The following ADK variants were observed in gnomAD, a reference collection of about 807,000 sequenced individuals.
The protein encoded by ADK is adenosine kinase.
ADK carries 24 observed loss-of-function variants against 44.7 expected under a neutral mutation model. The observed-to-expected ratio is 0.54, with a 90% confidence interval of 0.39 to 0.76. The LOEUF is 0.76. Ranked by LOEUF, ADK falls within the 30% of genes least tolerant of loss-of-function variation. ADK has a pLI of 0.00. For missense variants in ADK, 321 were observed against 425.1 expected (o/e 0.76, Z 2.15); for synonymous variants, 128 against 142.6 (o/e 0.90, Z 0.73).
intron 3 of ADK, among the ~76,000 whole-genome samples, chr10:74,236,991 G>A (rs1027889426): frequency 6.6e-5 from 10 of 152,112 alleles, no homozygotes; most frequent in South Asian, 2.1e-4. Flanking sequence ...AGTGTTGATG[G>A]CTACTGACTG....
rs1850603135 is a variant in ADK, at chr10:74,565,024, T to A, written c.727-24258T>A. Among the ~76,000 whole-genome samples, 4 of 152,224 alleles carry A rather than the reference T, an allele frequency of 2.6e-5. No homozygotes were observed. The South Asian group carries it at 8.3e-4, about 31-fold the overall frequency. On this transcript the variant is annotated intron_variant, in intron 7 of 10. Transcript: ENST00000539909. Reference sequence around the variant, plus strand: ...GATATTTTCTCCTGGCATCTCCAGATAGACTTTTTACTCTTTTCTTTCCCT... The same window carrying A: ...GATATTTTCTCCTGGCATCTCCAGAAAGACTTTTTACTCTTTTCTTTCCCT...
chr10:74,198,614 T>C (rs1175316101), intron 1 of ADK, among the ~76,000 whole-genome samples: 3 of 152,178 alleles, frequency 2.0e-5, no homozygotes, highest in Non-Finnish European at 4.4e-5. Flanking sequence ...AATAAAAAAT[T>C]ACACAGAAAC....
chr10:74,651,522 C>G (rs1256174158), intron 9 of ADK, among the ~76,000 whole-genome samples: 2 of 152,170 alleles, frequency 1.3e-5, no homozygotes, highest in Non-Finnish European at 1.5e-5. Context: ...CTTCCCTGTC[C>G]TTTCCTGCCT....
At chr10:74,327,325 T>C (rs1841056907) in intron 4 of ADK, among the ~76,000 whole-genome samples, 1 of 152,252 alleles carries the variant, frequency 6.6e-6, no homozygotes, top group Non-Finnish European at 1.5e-5. Flanking sequence ...CCTCTTATTA[T>C]TGACTTCTAG....
chr10:74,232,306 C>T (rs896903528), intron 3 of ADK, among the ~76,000 whole-genome samples: 7 of 152,022 alleles, frequency 4.6e-5, no homozygotes, highest in African/African-American at 1.7e-4. Context: ...ATCAGTTGAG[C>T]TCAGGAGTTT....
intron 6 of ADK, among the ~76,000 whole-genome samples, chr10:74,429,491 C>A (rs534658322): frequency 7.9e-5 from 12 of 152,178 alleles, no homozygotes; most frequent in Admixed American, 2.0e-4. Flanking sequence ...ATTCTTTAGT[C>A]AAGTGGTCTT....
intron 3 of ADK, among the ~76,000 whole-genome samples, chr10:74,249,506 C>T (rs1845567359): frequency 6.6e-6 from 1 of 151,818 alleles, no homozygotes; most frequent in Non-Finnish European, 1.5e-5. Context: ...TACACACACA[C>T]ACACACACAC....
At chr10:74,155,204 C>G (rs1841712980) in intron 1 of ADK, among the ~76,000 whole-genome samples, 1 of 152,166 alleles carries the variant, frequency 6.6e-6, no homozygotes, top group Non-Finnish European at 1.5e-5. Flanking sequence ...AACCTAGGAG[C>G]TGGGCATGGT....
chr10:74,457,947 C>T (rs1310775899), intron 6 of ADK, among the ~76,000 whole-genome samples: 3 of 151,944 alleles, frequency 2.0e-5, no homozygotes, highest in Non-Finnish European at 2.9e-5. Context: ...AGCAAACCAC[C>T]ATGGCATGTG....
intron 3 of ADK, among the ~76,000 whole-genome samples, chr10:74,258,951 T>G (rs574940454): frequency 5.9e-4 from 9 of 15,292 alleles, no homozygotes; most frequent in South Asian, 5.5e-3. Flanking sequence ...TTTTGTGTTT[T>G]TTTTTTTTTT....
At chr10:74,605,710 T>G (rs1460459181) in intron 9 of ADK, among the ~76,000 whole-genome samples, 5 of 152,176 alleles carry the variant, frequency 3.3e-5, no homozygotes, top group African/African-American at 1.2e-4. Context: ...ATTTTCTTTT[T>G]TTGTTGTCTC....
chr10:74,358,739 C>T (rs1842224516), intron 4 of ADK, among the ~76,000 whole-genome samples: 2 of 152,218 alleles, frequency 1.3e-5, no homozygotes, highest in Non-Finnish European at 2.9e-5. Context: ...ATCTCTCCAG[C>T]TCCATTCATA....
intron 2 of ADK, among the ~76,000 whole-genome samples, chr10:74,204,182 C>T (rs561350862): frequency 6.6e-6 from 1 of 152,046 alleles, no homozygotes; most frequent in African/African-American, 2.4e-5. Flanking sequence ...GTCTCAAACT[C>T]CTGACCTTGT....
intron 3 of ADK, among the ~76,000 whole-genome samples, chr10:74,288,637 C>T (rs1301686128): frequency 6.6e-6 from 1 of 151,988 alleles, no homozygotes; most frequent in Non-Finnish European, 1.5e-5. Flanking sequence ...GTGACAAGAG[C>T]GAGACTCCAT....
intron 3 of ADK, among the ~76,000 whole-genome samples, chr10:74,266,855 A>G (rs966009984): frequency 2.6e-5 from 4 of 152,230 alleles, no homozygotes; most frequent in Non-Finnish European, 5.9e-5. Context: ...ATATAATCAG[A>G]AGGAACTTGG....
intron 1 of ADK, among the ~76,000 whole-genome samples, chr10:74,197,713 A>AG (rs1223331393): frequency 1.3e-5 from 2 of 150,602 alleles, no homozygotes; most frequent in South Asian, 2.1e-4. Context: ...AAAAAAAAGA[A>AG]AAAAAAAAAG....
At chr10:74,318,484 TAA>T (rs1449134826) in intron 4 of ADK, among the ~76,000 whole-genome samples, 1 of 152,190 alleles carries the variant, frequency 6.6e-6, no homozygotes, top group Non-Finnish European at 1.5e-5. Context: ...TTTTATATAT[TAA>T]GAGTGCTTCA....
At chr10:74,216,011 T>C (rs1844002103) in intron 2 of ADK, among the ~76,000 whole-genome samples, 1 of 152,202 alleles carries the variant, frequency 6.6e-6, no homozygotes, top group African/African-American at 2.4e-5. Flanking sequence ...ACCCCTTTTA[T>C]TCATTTATAA....
At chr10:74,644,774 T>C (rs1284569408) in intron 9 of ADK, among the ~76,000 whole-genome samples, 1 of 152,144 alleles carries the variant, frequency 6.6e-6, no homozygotes, top group Non-Finnish European at 1.5e-5. Context: ...AGTGATCCTC[T>C]TGCCTTGGCC....
Sources: gnomAD v4.1 joint callset for allele counts (sites outside exome capture counted in the v4.1 genomes callset) on GRCh38, gnomAD v4.1.1 for gene constraint, MANE v1.5 for transcripts, NCBI Gene and HGNC (gene_info 2026-07-23, HGNC 2026-07-21) for gene names.